Variants in SPAG9 observed in about 807,000 individuals in gnomAD.
SPAG9 encodes the protein C-Jun-amino-terminal kinase-interacting protein 4.
SPAG9 carries 35 observed loss-of-function variants against 166.5 expected under a neutral mutation model. That is an observed-to-expected ratio of 0.21 (90% CI 0.16 to 0.28). The LOEUF (loss-of-function observed/expected upper bound fraction) is 0.28. Among genes scored for constraint, SPAG9 ranks in the 10% least tolerant of loss-of-function variants. The pLI is 1.00. For synonymous variants in SPAG9, 534 were observed against 565.5 expected (o/e 0.94, Z 0.79); for missense variants, 1,235 against 1,603.3 (o/e 0.77, Z 3.92).
chr17:50,982,178 G>T (rs150500158), intron 25 of SPAG9, among the ~76,000 whole-genome samples: 420 of 152,268 alleles, frequency 2.8e-3, no homozygotes, highest in African/African-American at 9.8e-3. Context: ...GGGAGGACAG[G>T]GAGGAATCCT....
rs2048611280 is a variant in SPAG9, at chr17:51,095,926, G to GATATATAGTGATATAGTTAT, written c.304-16223_304-16222insATAACTATATCACTATATAT. Among the ~76,000 whole-genome samples the GATATATAGTGATATAGTTAT allele has an allele frequency of 2.4e-5, 3 of 126,688 alleles. 1 individual carries two copies. The highest frequency in any genetic ancestry group is 9.5e-5 in the African/African-American group (3 of 31,638). The allele number at this position is 126,688 out of a possible 152,430, so 83.1% of individuals were successfully genotyped here. ...ATATATATAGTGATATATATATAGT[G>GATATATAGTGATATAGTTAT]ATATATATAGTGATATAGTTATATA... On this transcript the variant is annotated intron_variant, in intron 1 of 29. Coordinates refer to ENST00000262013, the MANE Select transcript of SPAG9 (RefSeq NM_001130528.3).
chr17:51,039,220 C>T (rs1248054803), intron 5 of SPAG9, among the ~76,000 whole-genome samples: 3 of 152,190 alleles, frequency 2.0e-5, no homozygotes, highest in African/African-American at 7.2e-5. Context: ...ATGGCTAGGT[C>T]ATCCTCAATC....
At chr17:50,987,992 G>C (rs757428131) in intron 21 of SPAG9, among the ~76,000 whole-genome samples, 13 of 152,178 alleles carry the variant, frequency 8.5e-5, no homozygotes, top group Admixed American at 1.3e-4. Context: ...GAGGTGGGTG[G>C]ATTTCTTGAG....
rs576646410 is a variant in SPAG9 at position 51,018,295 on chromosome 17, G to A, written c.1091+1864C>T. 5.3e-5 allele frequency among the ~76,000 whole-genome samples: 8 copies of A among 150,956 alleles called. No homozygotes were observed. The East Asian group carries it at 1.4e-3, about 26-fold the overall frequency. ...GGGAGGGGGTGGGGGTGGGAGTGGG[G>A]TGAAGGTTGCAGTGAGCTGAGATAG... is the stretch of plus-strand genomic sequence containing the variant. On this transcript the variant is annotated intron_variant, in intron 8 of 29. Transcript: ENST00000262013.
rs1190783737 is a variant in SPAG9 at position 50,981,527 on chromosome 17, TAGAA to T, written c.3237+993_3237+996del. On this transcript the variant is annotated intron_variant, in intron 25 of 29. Coordinates refer to ENST00000262013, the MANE Select transcript of SPAG9 (RefSeq NM_001130528.3). ...ATAGATAGATAGATAGATAGATAGA[TAGAA>T]AGAAAGAAAGAAAGAATAGATAGAT... 2.3e-3 allele frequency among the ~76,000 whole-genome samples: 243 copies of T among 107,350 alleles called. 3 individuals are homozygous for T. Among genetic ancestry groups the T allele is most frequent in the Middle Eastern group, 5.0e-3 (1 of 202 alleles). 70.4% of individuals were successfully genotyped at this position (107,350 alleles called of 152,430 possible). A position where few individuals can be genotyped will look rare whatever the true frequency, so the allele number is the denominator to read the frequency against.
At chr17:51,033,259 G>A (rs1033576832) in intron 5 of SPAG9, among the ~76,000 whole-genome samples, 5 of 147,682 alleles carry the variant, frequency 3.4e-5, no homozygotes, top group Non-Finnish European at 4.5e-5. Context: ...AAAAACTTGG[G>A]TAGCTCTCTC....
chr17:51,097,337 C>T (rs1354225201), intron 1 of SPAG9, among the ~76,000 whole-genome samples: 1 of 152,042 alleles, frequency 6.6e-6, no homozygotes, highest in Non-Finnish European at 1.5e-5. Flanking sequence ...TGTGGGAACC[C>T]CAGTTTATAG....
intron 21 of SPAG9, among the ~76,000 whole-genome samples, chr17:50,989,107 T>A (rs1975316029): frequency 6.6e-6 from 1 of 152,156 alleles, no homozygotes; most frequent in South Asian, 2.1e-4. Flanking sequence ...TAATATATAG[T>A]CACACACCTG....
chr17:50,963,938 C>A lies in SPAG9; in HGVS notation c.*2334G>T, dbSNP rs1001020516. ...TAAGTAGCTCAAGCAAAAAATTATT[C>A]TTTTAATACAGCTTTTACCAAAACA... is the stretch of plus-strand genomic sequence containing the variant. On this transcript the variant is annotated 3_prime_UTR_variant, in exon 30 of 30. Transcript: ENST00000262013. The A allele has an allele frequency of 2.0e-5, 3 of 152,192 alleles. No individual in the cohort carries two copies. Among genetic ancestry groups the A allele is most frequent in the Non-Finnish European group, 2.9e-5 (2 of 68,022 alleles). 9.4% of individuals were successfully genotyped at this position (152,192 alleles called of 1,614,324 possible).
chr17:51,006,263 T>A, intron 10 of SPAG9, 26 bp from the exon 11 acceptor site: 1 of 1,604,418 alleles, frequency 6.2e-7, no homozygotes, highest in Non-Finnish European at 8.5e-7. Context: ...TTCAAGTGCA[T>A]CATTACAAAT....
intron 4 of SPAG9, among the ~76,000 whole-genome samples, chr17:51,044,619 T>C (rs1380006802): frequency 6.6e-6 from 1 of 152,150 alleles, no homozygotes; most frequent in Non-Finnish European, 1.5e-5. Context: ...CACCACGTGG[T>C]GGGTACTGAG....
At chr17:51,010,291 T>C (rs964016612) in intron 9 of SPAG9, among the ~76,000 whole-genome samples, 4 of 152,232 alleles carry the variant, frequency 2.6e-5, no homozygotes, top group East Asian at 1.9e-4. Context: ...ATCACCGATT[T>C]TGAGGTGAAA....
At chr17:51,053,834 AT>A (rs1198949902) in intron 3 of SPAG9, among the ~76,000 whole-genome samples, 1 of 65,116 alleles carries the variant, frequency 1.5e-5, no homozygotes, top group Non-Finnish European at 3.0e-5. Context: ...TGAGACCCTA[AT>A]TAAAAAAAAA....
chr17:51,022,170 C>G (rs958634564), intron 6 of SPAG9, among the ~76,000 whole-genome samples: 2 of 150,130 alleles, frequency 1.3e-5, no homozygotes, highest in Non-Finnish European at 3.0e-5. Flanking sequence ...ATTCCAGCCA[C>G]GCACATGCCT....
intron 13 of SPAG9, among the ~76,000 whole-genome samples, chr17:51,000,747 A>G (rs1193625005): frequency 7.5e-6 from 1 of 133,738 alleles, no homozygotes; most frequent in Admixed American, 7.8e-5. Context: ...CCATCTCAAT[A>G]AATGAATGAA....
chr17:51,105,357 T>A (rs1392243075), intron 1 of SPAG9, among the ~76,000 whole-genome samples: 1 of 152,116 alleles, frequency 6.6e-6, no homozygotes, highest in Non-Finnish European at 1.5e-5. Context: ...AAAACACTGC[T>A]GAGACATCAA....
In SPAG9 at chr17:50,963,955, A is replaced by AC. The variant is rs1973229552; in HGVS notation, c.*2316dup. 1 of 152,236 alleles carries AC rather than the reference A, an allele frequency of 6.6e-6. No individual in the cohort carries two copies. Among genetic ancestry groups the AC allele is most frequent in the Non-Finnish European group, 1.5e-5 (1 of 68,040 alleles). The allele number at this position is 152,236 out of a possible 1,614,324, so 9.4% of individuals were successfully genotyped here. ...AAATTATTCTTTTAATACAGCTTTT[A>AC]CCAAAACAGTTTTAATACATGAGTG... On this transcript the variant is annotated 3_prime_UTR_variant, in exon 30 of 30. Coordinates refer to ENST00000262013, the MANE Select transcript of SPAG9 (RefSeq NM_001130528.3).
At chr17:51,084,648 A>G (rs1413146474) in intron 1 of SPAG9, among the ~76,000 whole-genome samples, 1 of 152,094 alleles carries the variant, frequency 6.6e-6, no homozygotes, top group African/African-American at 2.4e-5. Context: ...ACCTCAAGCG[A>G]TCTGCCTGTC....
At chr17:51,104,932 C>CAAAAA (rs397856546) in intron 1 of SPAG9, among the ~76,000 whole-genome samples, 3 of 57,466 alleles carry the variant, frequency 5.2e-5, no homozygotes, top group African/African-American at 1.3e-4. Context: ...GACTCCGTCT[C>CAAAAA]AAAAAAAAAA....
Sources: gnomAD v4.1 joint callset for allele counts (sites outside exome capture counted in the v4.1 genomes callset) on GRCh38, gnomAD v4.1.1 for gene constraint, MANE v1.5 for transcripts, NCBI Gene and HGNC (gene_info 2026-07-23, HGNC 2026-07-21) for gene names.